CKAP5: variants seen among roughly 807,000 people sequenced by gnomAD.
CKAP5 encodes cytoskeleton associated protein 5, also known as cytoskeleton-associated protein 5.
Under a neutral mutation model 232.8 loss-of-function variants are expected in CKAP5, and 27 were observed. The observed-to-expected ratio is 0.12, with a 90% confidence interval of 0.09 to 0.16. The LOEUF (loss-of-function observed/expected upper bound fraction) is 0.16. Ranked by LOEUF, CKAP5 falls within the 10% of genes least tolerant of loss-of-function variation. The pLI is 1.00. For missense variants in CKAP5, 1,838 were observed against 2,424.7 expected (o/e 0.76, Z 5.08); for synonymous variants, 785 against 841.1 (o/e 0.93, Z 1.16).
intron 1 of CKAP5, 82 bp downstream of exon 1, chr11:46,846,137 GC>G (rs1168568542): frequency 6.6e-6 from 1 of 152,034 alleles, no homozygotes. Flanking sequence ...ACCTCCAGCC[GC>G]CCAGGATTCA....
intron 3 of CKAP5, among the ~76,000 whole-genome samples, chr11:46,817,101 T>A (rs1939419884): frequency 6.7e-6 from 1 of 148,602 alleles, no homozygotes. Flanking sequence ...TACGAAACTG[T>A]GTATCAAAAA....
At position 46,752,201 on chromosome 11, in the gene CKAP5, C is replaced by T. The variant is rs1438882422; in HGVS notation, c.5133+434G>A. On this transcript the variant is annotated intron_variant, in intron 38 of 43. Transcript: ENST00000529230. ...ATATATATATATATATATACACACA[C>T]ACACACACACACACACACACACACA... Among the ~76,000 whole-genome samples the T allele has an allele frequency of 8.7e-3, 698 of 80,660 alleles. 8 individuals carry two copies. The highest frequency in any genetic ancestry group is 0.023 in the African/African-American group (634 of 27,102). 52.9% of individuals were successfully genotyped at this position (80,660 alleles called of 152,430 possible).
chr11:46,753,594 A>ATT, intron 36 of CKAP5, 97 bp from the exon 37 acceptor site: 22 of 896,600 alleles, frequency 2.5e-5, no homozygotes, highest in Admixed American at 5.8e-5. Context: ...ATTATGTTGT[A>ATT]TTTTTTTTTT....
At chr11:46,818,579 G>T in intron 2 of CKAP5, 76 bp from the exon 3 acceptor site, 1 of 1,053,102 alleles carries the variant, frequency 9.5e-7, no homozygotes, top group Non-Finnish European at 1.3e-6. Context: ...GGGGGGGGAG[G>T]GTGTGAGAAT....
intron 8 of CKAP5, among the ~76,000 whole-genome samples, chr11:46,803,118 G>C (rs899334852): frequency 6.6e-6 from 1 of 151,798 alleles, no homozygotes; most frequent in Non-Finnish European, 1.5e-5. Context: ...AGAAAAATTA[G>C]CCAGGCATGG....
chr11:46,768,631 G>C (rs1592444569), intron 26 of CKAP5, among the ~76,000 whole-genome samples: 1 of 151,568 alleles, frequency 6.6e-6, no homozygotes, highest in East Asian at 1.9e-4. Flanking sequence ...ACCCAGGCTG[G>C]AGTGCAGTGG....
intron 1 of CKAP5, among the ~76,000 whole-genome samples, chr11:46,840,652 G>A (rs1237178961): frequency 1.3e-5 from 2 of 152,200 alleles, no homozygotes; most frequent in Non-Finnish European, 1.5e-5. Context: ...TCCCTGGAGC[G>A]TGGTGTGCCC....
chr11:46,778,122 C>A lies in CKAP5; in HGVS notation c.2748+17G>T. 6.2e-7 allele frequency: 1 copy of A among 1,606,786 alleles called. No individual in the cohort carries two copies. The highest frequency in any genetic ancestry group is 8.5e-7 in the Non-Finnish European group (1 of 1,175,424). On this transcript the variant is annotated intron_variant, in intron 22 of 43. Transcript: ENST00000529230. ...TGGGGAGGGGAGATAAAAAGAACAG[C>A]CGTATGCTCTACATACCAAGATTTT...
intron 1 of CKAP5, among the ~76,000 whole-genome samples, chr11:46,835,661 TACAA>T (rs541435855): frequency 6.6e-6 from 1 of 152,058 alleles, no homozygotes; most frequent in Non-Finnish European, 1.5e-5. Context: ...GTCCATAAGA[TACAA>T]ACAGTGGAAT....
chr11:46,777,268 C>T (rs571352878), intron 23 of CKAP5, among the ~76,000 whole-genome samples, 171 bp downstream of exon 23: 1 of 152,310 alleles, frequency 6.6e-6, no homozygotes, highest in African/African-American at 2.4e-5. Flanking sequence ...GATACCTGGT[C>T]ACCTTAATAC....
intron 1 of CKAP5, among the ~76,000 whole-genome samples, chr11:46,822,475 C>CG (rs1939556315): frequency 6.6e-6 from 1 of 151,874 alleles, no homozygotes; most frequent in Non-Finnish European, 1.5e-5. Flanking sequence ...ATATGGGGGT[C>CG]GGGTGTGGTG....
At chr11:46,845,577 G>A (rs1339305087) in intron 1 of CKAP5, among the ~76,000 whole-genome samples, 1 of 152,138 alleles carries the variant, frequency 6.6e-6, no homozygotes, top group East Asian at 1.9e-4. Flanking sequence ...AAGTAGCAAG[G>A]CCCAACCCAC....
At chr11:46,804,043 T>C (rs910363496) in intron 8 of CKAP5, among the ~76,000 whole-genome samples, 1 of 152,098 alleles carries the variant, frequency 6.6e-6, no homozygotes, top group Non-Finnish European at 1.5e-5. Context: ...GCTCAAAGGG[T>C]GATTTTGTCA....
chr11:46,810,357 T>C (rs1027785505), intron 5 of CKAP5, among the ~76,000 whole-genome samples: 1 of 152,072 alleles, frequency 6.6e-6, no homozygotes, highest in African/African-American at 2.4e-5. Context: ...CTCAACTCTT[T>C]TGCCCAGGCT....
rs550025952 is a variant in CKAP5, at chr11:46,797,963, G to C, written c.1180C>G (p.Leu394Val). The C allele has an allele frequency of 5.6e-6, 9 of 1,611,858 alleles. No homozygotes were observed. Among genetic ancestry groups the C allele is most frequent in the Non-Finnish European group, 6.8e-6 (8 of 1,179,362 alleles). Residue 394 changes from leucine (L) to valine (V), a missense_variant, in exon 11 of 44, where the codon CTA (leucine) becomes GTA (valine). Around this residue, in one of 6 missense-constraint regions of CKAP5, gnomAD observed 97 missense variants for 167.7 expected, o/e 0.58. Transcript: ENST00000529230. ...AIDAIFLTTT[L>V]QNISEDVLAV... ...AAAACATCCTCACTGATGTTCTGTA[G>C]TGTGGTCTTTAGAAAGAAAATGTGG...
chr11:46,775,148 AC>A (rs2065280270), intron 24 of CKAP5, among the ~76,000 whole-genome samples: 1 of 152,222 alleles, frequency 6.6e-6, no homozygotes, highest in African/African-American at 2.4e-5. Flanking sequence ...TAAGAAAAAA[AC>A]AAACAACCCC....
chr11:46,829,840 G>A (rs1175498572), intron 1 of CKAP5, among the ~76,000 whole-genome samples: 48 of 9,222 alleles, frequency 5.2e-3, no homozygotes, highest in African/African-American at 0.014. Context: ...TTTTTTGTAT[G>A]TGTGTGTGTG....
chr11:46,782,674 G>A (rs1268314453), intron 18 of CKAP5, among the ~76,000 whole-genome samples: 1 of 152,144 alleles, frequency 6.6e-6, no homozygotes, highest in East Asian at 1.9e-4. Flanking sequence ...TAACTATGAT[G>A]GGCCCAAATT....
chr11:46,816,407 G>A lies in CKAP5; in HGVS notation c.252-3C>T. On this transcript the variant is annotated splice_region_variant and splice_polypyrimidine_tract_variant and intron_variant, in intron 3 of 43. Transcript: ENST00000529230. ...CTGACACAACTTCTCCTGTGGTTCT[G>A]TAACATATTATAAAGAACAAAAATC... The A allele has an allele frequency of 6.2e-7, 1 of 1,612,596 alleles. No individual in the cohort carries two copies. The highest frequency in any genetic ancestry group is 8.5e-7 in the Non-Finnish European group (1 of 1,179,302).
Sources: allele counts gnomAD v4.1 joint callset (sites outside exome capture counted in the v4.1 genomes callset), GRCh38; gene constraint gnomAD v4.1.1; regional missense constraint gnomAD v4.1.1; transcripts MANE v1.5; gene names NCBI Gene and HGNC (gene_info 2026-07-23, HGNC 2026-07-21).